COL21A1: variants seen among roughly 807,000 people sequenced by gnomAD.
COL21A1 encodes the protein collagen type XXI alpha 1 chain.
COL21A1 carries 149 observed loss-of-function variants against 137.9 expected under a neutral mutation model. The ratio of observed to expected loss-of-function variants is 1.08; its 90% confidence interval spans 0.95 to 1.24. The LOEUF (loss-of-function observed/expected upper bound fraction) is 1.24, where lower values mean the gene tolerates loss of function less well. COL21A1 is among the 50% of genes most tolerant of loss of function. The probability of loss-of-function intolerance (pLI) is 0.00; values close to 1 mark genes in which losing one functional copy is unlikely to be tolerated. For missense variants in COL21A1, 1,167 were observed against 1,158.4 expected (o/e 1.01, Z -0.11); for synonymous variants, 456 against 391.5 (o/e 1.16, Z -1.95).
At chr6:56,342,190 C>T (rs1013593071) in intron 1 of COL21A1, among the ~76,000 whole-genome samples, 3 of 152,176 alleles carry the variant, frequency 2.0e-5, no homozygotes, top group African/African-American at 7.2e-5. Context: ...AACGTGGTTT[C>T]TGCTGTACCT....
intron 9 of COL21A1, among the ~76,000 whole-genome samples, chr6:56,157,871 A>G (rs1295355653): frequency 1.3e-5 from 2 of 152,236 alleles, no homozygotes; most frequent in Non-Finnish European, 2.9e-5. Flanking sequence ...ATAATTCTTG[A>G]ATACATGTAA....
At chr6:56,066,950 AC>A (rs1360407128) in intron 23 of COL21A1, among the ~76,000 whole-genome samples, 1 of 145,738 alleles carries the variant, frequency 6.9e-6, no homozygotes, top group Non-Finnish European at 1.5e-5. Context: ...TTTTGGAAAC[AC>A]ACTGTGTGTG....
chr6:56,221,176 T>C (rs1324484368), intron 1 of COL21A1, among the ~76,000 whole-genome samples: 1 of 152,096 alleles, frequency 6.6e-6, no homozygotes, highest in African/African-American at 2.4e-5. Context: ...GCTGGTAGCA[T>C]CACCTCCAGC....
At position 56,141,089 on chromosome 6, in the gene COL21A1, T is replaced by C. The variant is rs187718150; in HGVS notation, c.1542+696A>G. Among the ~76,000 whole-genome samples, 34 of 152,258 alleles carry C rather than the reference T, an allele frequency of 2.2e-4. No individual in the cohort carries two copies. The East Asian group carries it at 6.4e-3, about 29-fold the overall frequency. ...AATCCCCCTTTTTATGTTTAGTGTG[T>C]AAAACTCAACTAAAGAATGAAATCA... is the stretch of plus-strand genomic sequence containing the variant. On this transcript the variant is annotated intron_variant, in intron 12 of 29. Transcript: ENST00000244728.
intron 1 of COL21A1, among the ~76,000 whole-genome samples, chr6:56,218,340 G>A (rs1293518297): frequency 6.6e-6 from 1 of 151,348 alleles, no homozygotes; most frequent in African/African-American, 2.4e-5. Flanking sequence ...CATGAAAGTT[G>A]TTAGCCATAT....
chr6:56,379,951 T>A (rs1445242029), intron 1 of COL21A1, among the ~76,000 whole-genome samples: 1 of 152,220 alleles, frequency 6.6e-6, no homozygotes, highest in Non-Finnish European at 1.5e-5. Context: ...TATTTTGAGA[T>A]CTGTCTATTC....
At chr6:56,325,522 T>A (rs1452652453) in intron 1 of COL21A1, among the ~76,000 whole-genome samples, 40 of 494 alleles carry the variant, frequency 0.081, 11 homozygotes, top group Non-Finnish European at 0.56. Context: ...TATTATATAT[T>A]ATATATTATA....
At chr6:56,300,578 A>G (rs530813364) in intron 1 of COL21A1, among the ~76,000 whole-genome samples, 1 of 152,228 alleles carries the variant, frequency 6.6e-6, no homozygotes, top group Admixed American at 6.5e-5. Flanking sequence ...AAGATGTCAT[A>G]GTGGCCTTGT....
intron 1 of COL21A1, among the ~76,000 whole-genome samples, chr6:56,233,820 G>T (rs1781735772): frequency 6.6e-6 from 1 of 151,546 alleles, no homozygotes; most frequent in South Asian, 2.1e-4. Flanking sequence ...CTAAGTGTTT[G>T]GGGGAGAGGC....
At chr6:56,298,323 A>G (rs9396195) in intron 1 of COL21A1, among the ~76,000 whole-genome samples, 128,212 of 152,018 alleles carry the variant, frequency 0.84, 56,053 homozygotes, top group South Asian at 0.97. Context: ...AGTTAAATGG[A>G]ATGCAGTTAA....
At chr6:56,337,719 A>G (rs1765361832) in intron 1 of COL21A1, among the ~76,000 whole-genome samples, 1 of 152,224 alleles carries the variant, frequency 6.6e-6, no homozygotes, top group Non-Finnish European at 1.5e-5. Context: ...AAACATGAAA[A>G]GCTTTCCTTT....
intron 1 of COL21A1, among the ~76,000 whole-genome samples, chr6:56,242,309 A>G (rs150571672): frequency 6.6e-6 from 1 of 152,188 alleles, no homozygotes; most frequent in Admixed American, 6.5e-5. Flanking sequence ...TATTTACTCC[A>G]TTACGTAATT....
intron 1 of COL21A1, among the ~76,000 whole-genome samples, chr6:56,286,406 C>T (rs1763915270): frequency 6.6e-6 from 1 of 152,160 alleles, no homozygotes; most frequent in Non-Finnish European, 1.5e-5. Context: ...TATACAGATA[C>T]ACGTACACAT....
chr6:56,283,941 A>G (rs1342884967), intron 1 of COL21A1, among the ~76,000 whole-genome samples: 1 of 151,892 alleles, frequency 6.6e-6, no homozygotes, highest in African/African-American at 2.4e-5. Context: ...ACATAACAGG[A>G]GTGGCCGACC....
intron 1 of COL21A1, among the ~76,000 whole-genome samples, chr6:56,349,001 T>C (rs1765654033): frequency 6.6e-6 from 1 of 152,198 alleles, no homozygotes; most frequent in South Asian, 2.1e-4. Context: ...GCTAAACATG[T>C]CTCTGTCACT....
chr6:56,293,295 T>C (rs1347148730), intron 1 of COL21A1, among the ~76,000 whole-genome samples: 2 of 152,212 alleles, frequency 1.3e-5, no homozygotes, highest in Admixed American at 6.5e-5. Context: ...TTTTATACGA[T>C]CATTGTCTTG....
chr6:56,341,145 G>T (rs1230370152), intron 1 of COL21A1, among the ~76,000 whole-genome samples: 2 of 152,218 alleles, frequency 1.3e-5, no homozygotes, highest in East Asian at 3.9e-4. Context: ...CCATGCTCCA[G>T]AAGAGAAGAG....
intron 1 of COL21A1, among the ~76,000 whole-genome samples, chr6:56,340,383 A>G (rs994502692): frequency 2.1e-5 from 3 of 140,202 alleles, no homozygotes; most frequent in African/African-American, 8.0e-5. Flanking sequence ...GGGGCAAGGC[A>G]CACAGGGAGG....
chr6:56,096,449 A>T (rs1055186857), intron 17 of COL21A1, among the ~76,000 whole-genome samples: 5 of 152,192 alleles, frequency 3.3e-5, no homozygotes, highest in African/African-American at 1.2e-4. Context: ...AGTTATAATA[A>T]ATCTATCTGG....
Sources: allele counts gnomAD v4.1 joint callset (sites outside exome capture counted in the v4.1 genomes callset), GRCh38; gene constraint gnomAD v4.1.1; transcripts MANE v1.5; gene names NCBI Gene and HGNC (gene_info 2026-07-23, HGNC 2026-07-21).